The following ASCC3 variants were observed in gnomAD, a reference collection of about 807,000 sequenced individuals.
ASCC3 encodes activating signal cointegrator 1 complex subunit 3.
In ASCC3, 158 loss-of-function variants were observed where a neutral mutation model predicts 256.3. The observed-to-expected ratio is 0.62, with a 90% CI of 0.54 to 0.70. The LOEUF (loss-of-function observed/expected upper bound fraction) is 0.70, where lower values mean the gene tolerates loss of function less well. ASCC3 is among the 30% of genes least tolerant of loss of function. The pLI is 0.00. For synonymous variants in ASCC3, 948 were observed against 883.4 expected (o/e 1.07, Z -1.30); for missense variants, 2,259 against 2,626.0 (o/e 0.86, Z 3.05).
In ASCC3 at chr6:100,647,461, T is replaced by C. The variant is rs372152047; in HGVS notation, c.3253-10A>G. The C allele has an allele frequency of 1.9e-6, 3 of 1,607,556 alleles. No individual in the cohort carries two copies. On this transcript the variant is annotated splice_polypyrimidine_tract_variant and intron_variant, in intron 20 of 41. Transcript: ENST00000369162. Reference sequence around the variant, plus strand: ...CAATTCTAGCTGCATTCTAAAAAATTATAGGAGGAGATTGGTGGTTATACC... The same window carrying C: ...CAATTCTAGCTGCATTCTAAAAAATCATAGGAGGAGATTGGTGGTTATACC...
intron 25 of ASCC3, among the ~76,000 whole-genome samples, chr6:100,631,434 A>C (rs1438136618): frequency 6.6e-6 from 1 of 152,018 alleles, no homozygotes; most frequent in East Asian, 1.9e-4. Context: ...CAAACATTCT[A>C]TTCATAAAAA....
intron 13 of ASCC3, among the ~76,000 whole-genome samples, chr6:100,702,364 G>A (rs993941210): frequency 1.3e-5 from 2 of 152,174 alleles, no homozygotes; most frequent in African/African-American, 2.4e-5. Flanking sequence ...CTATAGTCAT[G>A]CCATTCACTA....
At chr6:100,878,618 C>T (rs1424752913) in intron 1 of ASCC3, among the ~76,000 whole-genome samples, 4 of 152,130 alleles carry the variant, frequency 2.6e-5, no homozygotes, top group African/African-American at 9.7e-5. Context: ...ACTCTTCCCA[C>T]GAAAGTCCAG....
At chr6:100,576,045 A>G (rs1770841892) in intron 36 of ASCC3, among the ~76,000 whole-genome samples, 1 of 152,048 alleles carries the variant, frequency 6.6e-6, no homozygotes, top group African/African-American at 2.4e-5. Flanking sequence ...ATCTAATTAG[A>G]CTACTTACTC....
intron 13 of ASCC3, among the ~76,000 whole-genome samples, chr6:100,708,253 A>AT (rs902673620): frequency 2.6e-5 from 4 of 152,212 alleles, no homozygotes; most frequent in East Asian, 1.9e-4. Context: ...AACTAAAATT[A>AT]TTTTTTCCAA....
In ASCC3 at chr6:100,679,744, C is replaced by G; in HGVS notation, c.2160G>C (p.Val720=). The change falls in exon 14 of 42, where the codon GTG becomes GTC. Residue 720 remains valine, a synonymous_variant. Coordinates refer to ENST00000369162, the MANE Select transcript of ASCC3 (RefSeq NM_006828.4). Reference sequence around the variant, plus strand: ...CAGTGGCATTTCGAGCATGTACAAACACCATCACCTGAAAAAAAGGAAAGC... The same window carrying G: ...CAGTGGCATTTCGAGCATGTACAAAGACCATCACCTGAAAAAAAGGAAAGC... ...KQVKAGHQVM[V]FVHARNATVR... The G allele has an allele frequency of 1.9e-6, 3 of 1,613,468 alleles. No individual in the cohort carries two copies. The highest frequency in any genetic ancestry group is 2.5e-6 in the Non-Finnish European group (3 of 1,179,616).
At chr6:100,693,818 T>G (rs1274209576) in intron 13 of ASCC3, among the ~76,000 whole-genome samples, 2 of 152,188 alleles carry the variant, frequency 1.3e-5, no homozygotes, top group African/African-American at 4.8e-5. Flanking sequence ...TTTTTAGCTG[T>G]GGAATTTGTT....
At chr6:100,604,691 C>G (rs78974299) in intron 33 of ASCC3, among the ~76,000 whole-genome samples, 2 of 151,916 alleles carry the variant, frequency 1.3e-5, no homozygotes, top group South Asian at 4.1e-4. Context: ...AGCAATTCTG[C>G]CTCAGCCTTC....
At chr6:100,879,549 G>A (rs1019264003) in intron 1 of ASCC3, among the ~76,000 whole-genome samples, 3 of 152,176 alleles carry the variant, frequency 2.0e-5, no homozygotes, top group Non-Finnish European at 2.9e-5. Flanking sequence ...CACTTTGGGA[G>A]GCCGATGCAG....
intron 3 of ASCC3, chr6:100,858,857 G>T (rs41289345): frequency 2.0e-6 from 1 of 494,934 alleles, no homozygotes; most frequent in South Asian, 2.4e-5. Flanking sequence ...CCAAAAATAC[G>T]TAATTTTTTT....
chr6:100,688,617 G>A (rs764728698), intron 13 of ASCC3, among the ~76,000 whole-genome samples: 5 of 152,102 alleles, frequency 3.3e-5, no homozygotes, highest in South Asian at 2.1e-4. Flanking sequence ...ATTCAGATGC[G>A]TCTCTCTTAA....
intron 8 of ASCC3, among the ~76,000 whole-genome samples, chr6:100,788,225 T>C (rs561737401): frequency 1.3e-5 from 2 of 152,044 alleles, no homozygotes; most frequent in South Asian, 2.1e-4. Context: ...TGCTCAACAT[T>C]ATTAGTCATT....
intron 4 of ASCC3, among the ~76,000 whole-genome samples, chr6:100,810,771 C>G (rs141630145): frequency 1.3e-5 from 2 of 152,206 alleles, no homozygotes; most frequent in Non-Finnish European, 2.9e-5. Flanking sequence ...CCTTCAATTG[C>G]TAGTAGTTGC....
intron 2 of ASCC3, among the ~76,000 whole-genome samples, chr6:100,864,850 T>C (rs1773405529): frequency 6.6e-6 from 1 of 152,212 alleles, no homozygotes; most frequent in Admixed American, 6.5e-5. Context: ...TGGGTTCTTC[T>C]GAGGCTTTTG....
chr6:100,523,614 C>T (rs1456287168), intron 37 of ASCC3, among the ~76,000 whole-genome samples: 1 of 152,138 alleles, frequency 6.6e-6, no homozygotes, highest in Non-Finnish European at 1.5e-5. Flanking sequence ...TCCCTTATGA[C>T]TTGGATACAC....
chr6:100,521,133 C>G (rs566175226), intron 37 of ASCC3, among the ~76,000 whole-genome samples: 1 of 152,100 alleles, frequency 6.6e-6, no homozygotes, highest in African/African-American at 2.4e-5. Context: ...CAGTATGGTA[C>G]AGGAGAAAAA....
chr6:100,584,718 G>T (rs62422676), intron 36 of ASCC3, among the ~76,000 whole-genome samples: 1 of 151,954 alleles, frequency 6.6e-6, no homozygotes, highest in African/African-American at 2.4e-5. Flanking sequence ...GCAGCGGCTG[G>T]TACCGGTTTT....
At chr6:100,715,570 A>G (rs2115021130) in intron 12 of ASCC3, 37 bp from the exon 13 acceptor site, 1 of 1,549,278 alleles carries the variant, frequency 6.5e-7, no homozygotes, top group Non-Finnish European at 8.9e-7. Context: ...ATCATGTGAA[A>G]CAATTATAAA....
At chr6:100,613,447 AG>A (rs1391723920) in intron 30 of ASCC3, among the ~76,000 whole-genome samples, 2 of 152,030 alleles carry the variant, frequency 1.3e-5, no homozygotes, top group Non-Finnish European at 2.9e-5. Context: ...TGACCTATAT[AG>A]TTCCATCCAT....
Sources: allele counts gnomAD v4.1 joint callset (sites outside exome capture counted in the v4.1 genomes callset), GRCh38; gene constraint gnomAD v4.1.1; transcripts MANE v1.5; gene names NCBI Gene and HGNC (gene_info 2026-07-23, HGNC 2026-07-21).